ZNF423: variants seen among roughly 807,000 people sequenced by gnomAD.
The protein encoded by ZNF423 is Ebf-associated zinc finger protein.
A neutral mutation model predicts 95.8 loss-of-function variants in ZNF423; 12 were observed. The observed-to-expected ratio is 0.13, with a 90% CI of 0.08 to 0.20. ZNF423 has a LOEUF of 0.20. Among genes scored for constraint, ZNF423 ranks in the 10% least tolerant of loss-of-function variants. The pLI, the probability that ZNF423 is intolerant of heterozygous loss-of-function variation, is 1.00. For missense variants in ZNF423, 1,316 were observed against 1,737.1 expected, an observed-to-expected ratio of 0.76 and a Z score of 4.31; for synonymous variants, 749 against 711.9, an observed-to-expected ratio of 1.05 and a Z score of -0.83.
At chr16:49,668,483 T>C (rs956064784) in intron 3 of ZNF423, among the ~76,000 whole-genome samples, 26 of 152,182 alleles carry the variant, frequency 1.7e-4, no homozygotes, top group African/African-American at 5.3e-4. Flanking sequence ...AAAAAGAACC[T>C]GGACACAGGC....
rs1043251547 is a variant in ZNF423, at chr16:49,541,798, T to C, written c.3602-16304A>G. On this transcript the variant is annotated intron_variant, in intron 5 of 7. Transcript: ENST00000563137. ...TTTATAAGGGGCTTCCCCCTATGCT[T>C]GGCTCTCATTCTTCTCTTTCCTGCT... Among the ~76,000 whole-genome samples, 8 of 152,190 alleles carry C rather than the reference T, an allele frequency of 5.3e-5. 1 individual carries two copies. The highest frequency in any genetic ancestry group is 3.9e-4 in the Admixed American group (6 of 15,286).
chr16:49,662,020 G>C lies in ZNF423; in HGVS notation c.302-23146C>G, dbSNP rs148368395. Among the ~76,000 whole-genome samples the C allele has an allele frequency of 9.8e-5, 15 of 152,298 alleles. No homozygotes were observed. In the East Asian group the frequency reaches 2.7e-3, roughly 27 times the overall value. ...GCTCAATGAACAGATCATTGTGTGTGGTTTCCAGTCCAGTGGCAGCAAACA... is the reference window on the plus strand; with the variant it reads ...GCTCAATGAACAGATCATTGTGTGTCGTTTCCAGTCCAGTGGCAGCAAACA... On this transcript the variant is annotated intron_variant, in intron 3 of 7. Coordinates refer to ENST00000563137, the MANE Select transcript of ZNF423 (RefSeq NM_001379286.1).
In ZNF423 at chr16:49,752,424, G is replaced by A. The variant is rs150212026; in HGVS notation, c.101-21453C>T. Among the ~76,000 whole-genome samples, 171 of 152,312 alleles carry A rather than the reference G, an allele frequency of 1.1e-3. 2 individuals are homozygous for A. Among genetic ancestry groups the A allele is most frequent in the African/African-American group, 4.0e-3 (168 of 41,584 alleles). On this transcript the variant is annotated intron_variant, in intron 2 of 7. Transcript: ENST00000563137. Reference sequence around the variant, plus strand: ...CAGCCATTTGACCCAGTAGGGGTCTGGGGGAGCAAGGCTGGTCCCCCTTTC... The same window carrying A: ...CAGCCATTTGACCCAGTAGGGGTCTAGGGGAGCAAGGCTGGTCCCCCTTTC...
chr16:49,855,143 A>C lies in ZNF423; in HGVS notation c.40+592T>G. 1 of 547,314 alleles carries C rather than the reference A, an allele frequency of 1.8e-6. No homozygotes were observed. The highest frequency in any genetic ancestry group is 8.2e-5 in the South Asian group (1 of 12,214). The allele number at this position is 547,314 out of a possible 1,614,324, so 33.9% of individuals were successfully genotyped here. A position where few individuals can be genotyped will look rare whatever the true frequency, so the allele number is the denominator to read the frequency against. The stretch of plus-strand genomic sequence containing the variant: ...GGGAGAAGGCCTGGGCAGGGGCGGG[A>C]GGGGGCGCCAGGCGGCCGGGGCGAG... On this transcript the variant is annotated intron_variant, in intron 1 of 7. Transcript: ENST00000563137. This position sits in a 1 kb window ranked among gnomAD's most constrained non-coding sequence, Gnocchi z 4.7.
chr16:49,796,933 G>A (rs2034507708), intron 1 of ZNF423, among the ~76,000 whole-genome samples: 1 of 152,154 alleles, frequency 6.6e-6, no homozygotes, highest in South Asian at 2.1e-4. Flanking sequence ...CATTTGCAAA[G>A]TGTTCTCAGC....
At chr16:49,500,057 C>T (rs963281300) in intron 7 of ZNF423, among the ~76,000 whole-genome samples, 3 of 152,066 alleles carry the variant, frequency 2.0e-5, no homozygotes, top group East Asian at 1.9e-4. Flanking sequence ...AGATAGCAGC[C>T]GTGCAAGGGA....
chr16:49,540,442 T>A (rs1699731018), intron 5 of ZNF423, among the ~76,000 whole-genome samples: 1 of 111,360 alleles, frequency 9.0e-6, no homozygotes, highest in Non-Finnish European at 1.9e-5. Context: ...GCCCCACTCA[T>A]TTTTTTTTTT....
At chr16:49,564,435 T>C (rs1970120328) in intron 5 of ZNF423, among the ~76,000 whole-genome samples, 1 of 152,224 alleles carries the variant, frequency 6.6e-6, no homozygotes, top group Non-Finnish European at 1.5e-5. Context: ...TTCTGTGGCC[T>C]TGAGTCAGAC....
At chr16:49,718,728 C>A (rs930609706) in intron 3 of ZNF423, among the ~76,000 whole-genome samples, 1 of 152,186 alleles carries the variant, frequency 6.6e-6, no homozygotes, top group Admixed American at 6.5e-5. Flanking sequence ...ACAACACAGT[C>A]TTGCTGCGTC....
At chr16:49,570,453 A>T (rs960583109) in intron 5 of ZNF423, among the ~76,000 whole-genome samples, 14 of 152,172 alleles carry the variant, frequency 9.2e-5, no homozygotes, top group Non-Finnish European at 1.8e-4. Flanking sequence ...AGCTATCTTC[A>T]TTTATATGGT....
At chr16:49,513,513 A>C (rs1305995080) in intron 7 of ZNF423, among the ~76,000 whole-genome samples, 1 of 152,200 alleles carries the variant, frequency 6.6e-6, no homozygotes, top group African/African-American at 2.4e-5. Context: ...TATAAGGACC[A>C]GGGATTTTAA....
In ZNF423 at chr16:49,702,909, GCACACACACA is replaced by G. The variant is rs66522223; in HGVS notation, c.301+27852_301+27861del. On this transcript the variant is annotated intron_variant, in intron 3 of 7. Transcript: ENST00000563137. ...CAAGCCAACCTGCCTGTGTGCACAC[GCACACACACA>G]CACACACACACACACACACACACAC... is the stretch of plus-strand genomic sequence containing the variant. 2.9e-3 allele frequency among the ~76,000 whole-genome samples: 421 copies of G among 147,630 alleles called. 3 individuals are homozygous for G. The highest frequency in any genetic ancestry group is 4.0e-3 in the African/African-American group (161 of 39,938).
chr16:49,597,539 A>T (rs1971221296), intron 5 of ZNF423, among the ~76,000 whole-genome samples: 1 of 152,082 alleles, frequency 6.6e-6, no homozygotes, highest in Non-Finnish European at 1.5e-5. Context: ...TTTTTTTTTA[A>T]ATGTGGCTAG....
intron 3 of ZNF423, among the ~76,000 whole-genome samples, chr16:49,690,179 A>G (rs549441434): frequency 1.3e-5 from 2 of 152,228 alleles, no homozygotes; most frequent in Non-Finnish European, 2.9e-5. Flanking sequence ...GAGAGGCTTC[A>G]GTGGCCCCAT....
chr16:49,574,343 C>T (rs1036753619), intron 5 of ZNF423, among the ~76,000 whole-genome samples: 2 of 152,200 alleles, frequency 1.3e-5, no homozygotes, highest in African/African-American at 4.8e-5. Flanking sequence ...ATGATAGCAC[C>T]ACAGCACTCC....
chr16:49,728,581 G>T (rs2033086605), intron 3 of ZNF423, among the ~76,000 whole-genome samples: 1 of 152,182 alleles, frequency 6.6e-6, no homozygotes, highest in African/African-American at 2.4e-5. Flanking sequence ...AAAGGCTGAT[G>T]AGAGAAGGGT....
At chr16:49,769,725 C>A (rs576546650) in intron 2 of ZNF423, among the ~76,000 whole-genome samples, 3 of 151,512 alleles carry the variant, frequency 2.0e-5, no homozygotes, top group East Asian at 2.0e-4. Flanking sequence ...CTCTCTCCCC[C>A]TCTCATCTCC....
chr16:49,556,019 C>T (rs1456351193), intron 5 of ZNF423, among the ~76,000 whole-genome samples: 1 of 152,164 alleles, frequency 6.6e-6, no homozygotes, highest in African/African-American at 2.4e-5. Flanking sequence ...ACTACAATAA[C>T]ATGAGAACCA....
chr16:49,520,005 C>G (rs541681516), intron 7 of ZNF423, among the ~76,000 whole-genome samples: 146 of 152,308 alleles, frequency 9.6e-4, no homozygotes, highest in Middle Eastern at 3.4e-3. Context: ...GGGAGGCCCT[C>G]CCTGACCACA....
Sources: allele counts gnomAD v4.1 joint callset (sites outside exome capture counted in the v4.1 genomes callset), GRCh38; gene constraint gnomAD v4.1.1; non-coding constraint Gnocchi (gnomAD v3.1); transcripts MANE v1.5; gene names NCBI Gene and HGNC (gene_info 2026-07-23, HGNC 2026-07-21).